ROBO1: variants seen among roughly 807,000 people sequenced by gnomAD.
The protein encoded by ROBO1 is roundabout guidance receptor 1.
In ROBO1, 149 loss-of-function variants were observed where a neutral mutation model predicts 195.9. That is an observed-to-expected ratio of 0.76 (90% CI 0.67 to 0.87). The LOEUF (loss-of-function observed/expected upper bound fraction) is 0.87. Among genes scored for constraint, ROBO1 ranks in the 40% least tolerant of loss-of-function variants. The pLI is 0.00. For synonymous variants in ROBO1, 816 were observed against 733.2 expected (o/e 1.11, Z -1.82); for missense variants, 1,933 against 2,068.3 (o/e 0.93, Z 1.27).
At chr3:79,249,496 A>T (rs2082681459) in intron 2 of ROBO1, among the ~76,000 whole-genome samples, 1 of 152,184 alleles carries the variant, frequency 6.6e-6, no homozygotes, top group African/African-American at 2.4e-5. Flanking sequence ...GCCCAATCAT[A>T]AGAAAACAAT....
intron 2 of ROBO1, among the ~76,000 whole-genome samples, chr3:79,226,670 A>T (rs1189882401): frequency 6.6e-6 from 1 of 150,852 alleles, no homozygotes; most frequent in Non-Finnish European, 1.5e-5. Context: ...CCTCCTGTGT[A>T]TTTGCGGCCA....
chr3:79,532,438 G>A (rs1941697502), intron 2 of ROBO1, among the ~76,000 whole-genome samples: 1 of 152,096 alleles, frequency 6.6e-6, no homozygotes. Context: ...AATTATGAAT[G>A]TATTATAAAA....
intron 4 of ROBO1, among the ~76,000 whole-genome samples, chr3:78,845,653 T>C (rs1177412413): frequency 2.6e-5 from 4 of 152,170 alleles, no homozygotes; most frequent in Non-Finnish European, 5.9e-5. Flanking sequence ...AATGCTGTCT[T>C]TGAATGGCAC....
At chr3:79,528,786 C>A (rs931846895) in intron 2 of ROBO1, among the ~76,000 whole-genome samples, 14 of 152,156 alleles carry the variant, frequency 9.2e-5, no homozygotes, top group Admixed American at 3.9e-4. Flanking sequence ...AATTTAATGT[C>A]TCTTGGAAAT....
chr3:79,732,564 T>A (rs889319443), intron 1 of ROBO1, among the ~76,000 whole-genome samples: 1 of 152,136 alleles, frequency 6.6e-6, no homozygotes, highest in Admixed American at 6.5e-5. Flanking sequence ...TTTATGAGTC[T>A]CAAATTTGAG....
rs1254158408 is a variant in ROBO1, at chr3:78,904,691, CATATGTATATATGTATATAT to C, written c.499+33890_499+33909del. ...GTGTGTATGTATATGTATACGTATACATATGTATATATGTATATATATATGTATATGTATATATATGCATA... is the reference window on the plus strand; with the variant it reads ...GTGTGTATGTATATGTATACGTATACATATGTATATGTATATATATGCATA... On this transcript the variant is annotated intron_variant, in intron 4 of 30. Coordinates refer to ENST00000464233, the MANE Select transcript of ROBO1 (RefSeq NM_002941.4). Among the ~76,000 whole-genome samples, 5 of 147,958 alleles carry C rather than the reference CATATGTATATATGTATATAT, an allele frequency of 3.4e-5. No individual in the cohort carries two copies. The South Asian group carries it at 8.4e-4, about 25-fold the overall frequency.
intron 4 of ROBO1, among the ~76,000 whole-genome samples, chr3:78,906,182 C>T (rs1281895413): frequency 6.6e-6 from 1 of 152,084 alleles, no homozygotes; most frequent in East Asian, 1.9e-4. Context: ...AGCTGTCCTC[C>T]ATCTCTCATA....
chr3:79,274,287 C>A (rs540855913), intron 2 of ROBO1, among the ~76,000 whole-genome samples: 41 of 151,134 alleles, frequency 2.7e-4, no homozygotes, highest in Non-Finnish European at 5.0e-4. Flanking sequence ...TAAATTGAAG[C>A]TATGTCAAAT....
chr3:78,926,085 G>A (rs1013917422), intron 4 of ROBO1, among the ~76,000 whole-genome samples: 2 of 151,922 alleles, frequency 1.3e-5, no homozygotes, highest in Non-Finnish European at 2.9e-5. Context: ...TGGCCAGGCT[G>A]GTCTCAAACT....
At chr3:79,187,137 T>C (rs2081454948) in intron 2 of ROBO1, among the ~76,000 whole-genome samples, 1 of 152,030 alleles carries the variant, frequency 6.6e-6, no homozygotes, top group African/African-American at 2.4e-5. Context: ...AAAACTTCCA[T>C]TAAACACCAA....
intron 4 of ROBO1, among the ~76,000 whole-genome samples, chr3:78,932,157 A>G (rs1440571152): frequency 1.3e-5 from 2 of 152,112 alleles, no homozygotes; most frequent in Non-Finnish European, 2.9e-5. Flanking sequence ...ATAATAAGCA[A>G]ATTAGGAGGA....
chr3:78,769,309 T>C (rs2083307026), intron 4 of ROBO1, among the ~76,000 whole-genome samples: 1 of 152,202 alleles, frequency 6.6e-6, no homozygotes, highest in Admixed American at 6.5e-5. Flanking sequence ...TTTACCATTA[T>C]ATAATGTCCC....
chr3:79,162,688 G>T (rs1017865214), intron 2 of ROBO1, among the ~76,000 whole-genome samples: 2 of 152,132 alleles, frequency 1.3e-5, no homozygotes, highest in Non-Finnish European at 2.9e-5. Flanking sequence ...AATACTTTAT[G>T]CATTCATAAT....
At chr3:79,112,305 T>C (rs939886921) in intron 3 of ROBO1, among the ~76,000 whole-genome samples, 1 of 152,102 alleles carries the variant, frequency 6.6e-6, no homozygotes, top group African/African-American at 2.4e-5. Flanking sequence ...AACAAGGCAT[T>C]TGCACTCCAG....
chr3:79,654,134 T>G (rs1946092475), intron 1 of ROBO1, among the ~76,000 whole-genome samples: 1 of 151,986 alleles, frequency 6.6e-6, no homozygotes, highest in Non-Finnish European at 1.5e-5. Flanking sequence ...GATAGATATA[T>G]TACTCCGTCT....
At chr3:79,159,797 G>C (rs1408133140) in intron 2 of ROBO1, among the ~76,000 whole-genome samples, 1 of 151,954 alleles carries the variant, frequency 6.6e-6, no homozygotes, top group Non-Finnish European at 1.5e-5. Context: ...TTTCGGTCTG[G>C]CCATCAGATT....
At chr3:79,095,391 C>T (rs1307160068) in intron 3 of ROBO1, among the ~76,000 whole-genome samples, 1 of 152,014 alleles carries the variant, frequency 6.6e-6, no homozygotes, top group South Asian at 2.1e-4. Context: ...AAGCTGGCTG[C>T]CATGTTGCAA....
intron 5 of ROBO1, among the ~76,000 whole-genome samples, chr3:78,725,878 T>C (rs931726731): frequency 6.6e-6 from 1 of 152,098 alleles, no homozygotes; most frequent in African/African-American, 2.4e-5. Context: ...CCTTGTGATG[T>C]CTTCATTTTC....
chr3:79,056,377 TTGAC>T (rs1435450450), intron 3 of ROBO1, among the ~76,000 whole-genome samples: 2 of 152,058 alleles, frequency 1.3e-5, no homozygotes, highest in Non-Finnish European at 2.9e-5. Context: ...TGATAAAGAA[TTGAC>T]TGACTGTTAT....
Sources: allele counts gnomAD v4.1 joint callset (sites outside exome capture counted in the v4.1 genomes callset), GRCh38; gene constraint gnomAD v4.1.1; transcripts MANE v1.5; gene names NCBI Gene and HGNC (gene_info 2026-07-23, HGNC 2026-07-21).